GUCY1A2: variants seen among roughly 807,000 people sequenced by gnomAD.
GUCY1A2 encodes guanylate cyclase 1 soluble subunit alpha 2.
A neutral mutation model predicts 63.5 loss-of-function variants in GUCY1A2; 27 were observed. That is an observed-to-expected ratio of 0.43 (90% CI 0.31 to 0.59). GUCY1A2 has a LOEUF of 0.59. GUCY1A2 is among the 20% of genes least tolerant of loss of function. The pLI is 0.11. For missense variants in GUCY1A2, 768 were observed against 913.3 expected, an observed-to-expected ratio of 0.84 and a Z score of 2.05; for synonymous variants, 364 against 343.5, an observed-to-expected ratio of 1.06 and a Z score of -0.66.
chr11:106,832,637 C>A (rs1022164259), intron 4 of GUCY1A2, among the ~76,000 whole-genome samples: 1 of 152,008 alleles, frequency 6.6e-6, no homozygotes, highest in African/African-American at 2.4e-5. Flanking sequence ...TTATATGACA[C>A]CCTCAGGAAA....
chr11:106,781,334 T>C lies in GUCY1A2; in HGVS notation c.1693-4752A>G, dbSNP rs1864459862. Among the ~76,000 whole-genome samples, 3 of 152,168 alleles carry C rather than the reference T, an allele frequency of 2.0e-5. No homozygotes were observed. The South Asian group carries it at 6.2e-4, about 31-fold the overall frequency. On this transcript the variant is annotated intron_variant, in intron 5 of 7. Coordinates refer to ENST00000526355, the MANE Select transcript of GUCY1A2 (RefSeq NM_000855.3). ...GGAGATGGGGAAAAGATAATGCTTA[T>C]GCAAATGTCTGAAAAAACTTACATT...
Position 107,011,668 on chromosome 11 carries a change from T to A in GUCY1A2, c.303+6085A>T, listed in dbSNP as rs758131099. Among the ~76,000 whole-genome samples the A allele has an allele frequency of 9.4e-4, 139 of 147,938 alleles. 2 individuals are homozygous for A. Among genetic ancestry groups the A allele is most frequent in the Non-Finnish European group, 1.8e-3 (118 of 67,284 alleles). On this transcript the variant is annotated intron_variant, in intron 1 of 7. Transcript: ENST00000526355. Reference sequence around the variant, plus strand: ...ATATATAGTCAGAGTGTCTGACTTCTACTTACAAACCTAATAATCACTGAT... The same window carrying A: ...ATATATAGTCAGAGTGTCTGACTTCAACTTACAAACCTAATAATCACTGAT...
At chr11:107,005,899 A>G (rs1195663077) in intron 1 of GUCY1A2, among the ~76,000 whole-genome samples, 1 of 152,208 alleles carries the variant, frequency 6.6e-6, no homozygotes, top group Non-Finnish European at 1.5e-5. Context: ...ACCATGACAA[A>G]AGGTATTATC....
At chr11:106,788,385 T>C (rs990294330) in intron 5 of GUCY1A2, among the ~76,000 whole-genome samples, 2 of 152,186 alleles carry the variant, frequency 1.3e-5, no homozygotes, top group Non-Finnish European at 2.9e-5. Context: ...AGAAGATTTT[T>C]AACTTGATGT....
At chr11:106,897,535 AT>A (rs141532201) in intron 4 of GUCY1A2, among the ~76,000 whole-genome samples, 3,147 of 152,194 alleles carry the variant, frequency 0.021, 106 homozygotes, top group African/African-American at 0.072. Flanking sequence ...GACCCCAGAA[AT>A]AGAACTACAA....
intron 3 of GUCY1A2, among the ~76,000 whole-genome samples, chr11:106,976,052 C>A (rs1475286126): frequency 6.6e-6 from 1 of 152,076 alleles, no homozygotes; most frequent in Non-Finnish European, 1.5e-5. Flanking sequence ...GACTTCAAGT[C>A]TTTTTTGATG....
intron 6 of GUCY1A2, among the ~76,000 whole-genome samples, chr11:106,737,159 A>G (rs1190892573): frequency 6.6e-6 from 1 of 152,186 alleles, no homozygotes; most frequent in Non-Finnish European, 1.5e-5. Flanking sequence ...AAAAGAACAA[A>G]AATTTATCAG....
At chr11:106,958,080 AG>A (rs1279367255) in intron 3 of GUCY1A2, among the ~76,000 whole-genome samples, 4 of 152,164 alleles carry the variant, frequency 2.6e-5, no homozygotes, top group Non-Finnish European at 5.9e-5. Flanking sequence ...TAGCTATTAC[AG>A]TAGCATCACA....
intron 1 of GUCY1A2, among the ~76,000 whole-genome samples, chr11:106,992,520 C>T (rs1484289517): frequency 1.3e-5 from 2 of 151,534 alleles, no homozygotes; most frequent in East Asian, 1.9e-4. Context: ...TTAGTACAGA[C>T]GGGGTTTCAC....
At chr11:106,854,942 C>T (rs1285437664) in intron 4 of GUCY1A2, among the ~76,000 whole-genome samples, 1 of 152,128 alleles carries the variant, frequency 6.6e-6, no homozygotes, top group African/African-American at 2.4e-5. Flanking sequence ...AGGCCAGAAT[C>T]CTGGGGACCA....
chr11:106,759,411 T>TAGGAGATAATGGGATTCTTCTTTTCTAG (rs1864027337), intron 6 of GUCY1A2, among the ~76,000 whole-genome samples: 1 of 152,138 alleles, frequency 6.6e-6, no homozygotes, highest in Non-Finnish European at 1.5e-5. Flanking sequence ...CATGTTGAGA[T>TAGGAGATAATGGGATTCTTCTTTTCTAG]AGGAGATAAT....
chr11:106,908,453 A>T (rs989820395), intron 4 of GUCY1A2, among the ~76,000 whole-genome samples: 4 of 151,990 alleles, frequency 2.6e-5, no homozygotes, highest in African/African-American at 7.2e-5. Flanking sequence ...AAAATGTTAC[A>T]AATTTTACAA....
At chr11:107,007,765 T>C (rs1037704460) in intron 1 of GUCY1A2, among the ~76,000 whole-genome samples, 2 of 152,212 alleles carry the variant, frequency 1.3e-5, no homozygotes, top group African/African-American at 2.4e-5. Context: ...TATTGTAAGA[T>C]AGATATATGG....
At chr11:106,977,579 T>C (rs879690721) in intron 3 of GUCY1A2, among the ~76,000 whole-genome samples, 4 of 152,206 alleles carry the variant, frequency 2.6e-5, no homozygotes, top group Non-Finnish European at 4.4e-5. Context: ...CCAGCTTGAA[T>C]GTAAAAGAAG....
At position 106,674,028 on chromosome 11, in the gene GUCY1A2, G is replaced by C. The variant is rs1393663121; in HGVS notation, c.*13521C>G. On this transcript the variant is annotated 3_prime_UTR_variant, in exon 8 of 8. Coordinates refer to ENST00000526355, the MANE Select transcript of GUCY1A2 (RefSeq NM_000855.3). The stretch of plus-strand genomic sequence containing the variant: ...AAAAGAATGTTCAGACTCCTTTTTG[G>C]TATTATTTATTGATTTAAATATTTT... 5.8e-6 allele frequency: 1 copy of C among 173,082 alleles called. No individual in the cohort carries two copies. Among genetic ancestry groups the C allele is most frequent in the Non-Finnish European group, 1.3e-5 (1 of 79,870 alleles). The allele number at this position is 173,082 out of a possible 1,614,324, so 10.7% of individuals were successfully genotyped here. A position where few individuals can be genotyped will look rare whatever the true frequency, so the allele number is the denominator to read the frequency against.
chr11:106,685,295 A>G lies in GUCY1A2; in HGVS notation c.*2254T>C, dbSNP rs1398054848. The G allele has an allele frequency of 8.7e-5, 18 of 206,438 alleles. No homozygotes were observed. The East Asian group carries it at 1.3e-3, about 15-fold the overall frequency. 12.8% of individuals were successfully genotyped at this position (206,438 alleles called of 1,614,324 possible). ...ATTCTTCTGATAAATTGAGATATAT[A>G]AATACAATACTTCTCTCCAGGCCTA... On this transcript the variant is annotated 3_prime_UTR_variant, in exon 8 of 8. Coordinates refer to ENST00000526355, the MANE Select transcript of GUCY1A2 (RefSeq NM_000855.3).
At chr11:106,843,918 C>G (rs893407149) in intron 4 of GUCY1A2, among the ~76,000 whole-genome samples, 1 of 151,760 alleles carries the variant, frequency 6.6e-6, no homozygotes, top group African/African-American at 2.4e-5. Context: ...ACCATAGGAT[C>G]CATCATAGAG....
At chr11:106,936,305 C>T (rs901270796) in intron 4 of GUCY1A2, among the ~76,000 whole-genome samples, 5 of 152,130 alleles carry the variant, frequency 3.3e-5, no homozygotes, top group African/African-American at 1.2e-4. Context: ...CAATACATTT[C>T]CAAATTCTCA....
intron 1 of GUCY1A2, among the ~76,000 whole-genome samples, chr11:106,998,618 A>C (rs1415710056): frequency 6.6e-6 from 1 of 152,184 alleles, no homozygotes; most frequent in African/African-American, 2.4e-5. Flanking sequence ...TGGAATTTCC[A>C]AGGCAAACCC....
Sources: gnomAD v4.1 joint callset for allele counts (sites outside exome capture counted in the v4.1 genomes callset) on GRCh38, gnomAD v4.1.1 for gene constraint, MANE v1.5 for transcripts, NCBI Gene and HGNC (gene_info 2026-07-23, HGNC 2026-07-21) for gene names.